CXCL13: variants seen among roughly 807,000 people sequenced by gnomAD.
CXCL13 encodes the protein C-X-C motif chemokine ligand 13, also known as C-X-C motif chemokine 13.
A neutral mutation model predicts 12.2 loss-of-function variants in CXCL13; 7 were observed. That is an observed-to-expected ratio of 0.57 (90% CI 0.33 to 1.07). CXCL13 has a LOEUF of 1.07. CXCL13 is among the 50% of genes least tolerant of loss of function. The pLI, the probability that CXCL13 is intolerant of heterozygous loss-of-function variation, is 0.04. For synonymous variants in CXCL13, 47 were observed against 42.4 expected (o/e 1.11, Z -0.42); for missense variants, 113 against 127.4 (o/e 0.89, Z 0.55).
intron 1 of CXCL13, among the ~76,000 whole-genome samples, chr4:77,520,379 C>A (rs1724560523): frequency 6.6e-6 from 1 of 152,134 alleles, no homozygotes; most frequent in African/African-American, 2.4e-5. Flanking sequence ...TTTGTGTCCT[C>A]TTTTATTTCC....
intron 1 of CXCL13, among the ~76,000 whole-genome samples, chr4:77,528,661 G>A (rs1365302063): frequency 2.6e-5 from 4 of 152,146 alleles, no homozygotes; most frequent in Non-Finnish European, 5.9e-5. Context: ...GGAGTTCATT[G>A]TAGATTCTGG....
At chr4:77,546,249 G>T (rs971750861) in intron 1 of CXCL13, among the ~76,000 whole-genome samples, 9 of 152,150 alleles carry the variant, frequency 5.9e-5, no homozygotes, top group African/African-American at 2.2e-4. Flanking sequence ...TTATCAGGAT[G>T]ATGCTGGCCT....
Position 77,527,141 on chromosome 4 carries a change from G to C in CXCL13, c.-43+15353G>C, listed in dbSNP as rs571326593. On this transcript the variant is annotated intron_variant, in intron 1 of 4. Coordinates refer to the CXCL13 transcript ENST00000286758. ...CAGATGGCAAATAATCACATGAAAAGATGCCCAACACCATTAATCATTCGG... is the reference window on the plus strand; with the variant it reads ...CAGATGGCAAATAATCACATGAAAACATGCCCAACACCATTAATCATTCGG... Among the ~76,000 whole-genome samples the C allele has an allele frequency of 2.0e-5, 3 of 152,260 alleles. No individual in the cohort carries two copies. The East Asian group carries it at 5.8e-4, about 29-fold the overall frequency.
chr4:77,529,581 G>T (rs1724853080), intron 1 of CXCL13, among the ~76,000 whole-genome samples: 1 of 152,154 alleles, frequency 6.6e-6, no homozygotes, highest in South Asian at 2.1e-4. Flanking sequence ...CTCTCTGTCT[G>T]TTATTGGTGT....
intron 1 of CXCL13, among the ~76,000 whole-genome samples, chr4:77,543,403 G>C (rs911973686): frequency 2.6e-5 from 4 of 151,746 alleles, no homozygotes; most frequent in South Asian, 2.1e-4. Flanking sequence ...CTAGCTTTGG[G>C]GTTAGCTCAT....
At chr4:77,517,383 A>G (rs1724451474) in intron 1 of CXCL13, among the ~76,000 whole-genome samples, 1 of 152,152 alleles carries the variant, frequency 6.6e-6, no homozygotes, top group Admixed American at 6.5e-5. Flanking sequence ...TGTCTCATTG[A>G]TCTGTCTAAT....
intron 1 of CXCL13, among the ~76,000 whole-genome samples, chr4:77,518,825 T>C (rs1223051024): frequency 1.3e-5 from 2 of 152,364 alleles, no homozygotes; most frequent in East Asian, 3.9e-4. Context: ...CTTTGTTCCA[T>C]TGCTGGTGAG....
chr4:77,552,563 C>T (rs563508542), intron 1 of CXCL13, among the ~76,000 whole-genome samples: 4 of 152,342 alleles, frequency 2.6e-5, no homozygotes, highest in African/African-American at 9.6e-5. Context: ...TGAGCTCCCT[C>T]CTTACCCCTG....
At chr4:77,530,166 G>C (rs1158586924) in intron 1 of CXCL13, among the ~76,000 whole-genome samples, 1 of 152,148 alleles carries the variant, frequency 6.6e-6, no homozygotes, top group African/African-American at 2.4e-5. Context: ...TGTGCTTCTG[G>C]ATTCAGTTTG....
chr4:77,526,014 T>C (rs573932763), intron 1 of CXCL13, among the ~76,000 whole-genome samples: 2 of 151,462 alleles, frequency 1.3e-5, no homozygotes, highest in Admixed American at 1.3e-4. Context: ...AAAGAAACAA[T>C]GAAAAAGCAT....
At chr4:77,573,269 A>C (rs1366301156) in intron 1 of CXCL13, among the ~76,000 whole-genome samples, 2 of 151,818 alleles carry the variant, frequency 1.3e-5, no homozygotes, top group African/African-American at 2.4e-5. Context: ...GAAATTTTCT[A>C]AGAGAAATAA....
At chr4:77,530,632 A>G (rs1191070666) in intron 1 of CXCL13, among the ~76,000 whole-genome samples, 1 of 151,954 alleles carries the variant, frequency 6.6e-6, no homozygotes, top group East Asian at 1.9e-4. Flanking sequence ...CCCCTTTAAC[A>G]TTTTTTATTG....
rs368765628 is a variant in CXCL13 at position 77,543,806 on chromosome 4, G to C, written c.-43+32018G>C. Among the ~76,000 whole-genome samples, 38 of 152,062 alleles carry C rather than the reference G, an allele frequency of 2.5e-4. No homozygotes were observed. In the East Asian group the frequency reaches 4.6e-3, roughly 19 times the overall value. On this transcript the variant is annotated intron_variant, in intron 1 of 4. Coordinates refer to the CXCL13 transcript ENST00000286758. ...GCACATGTGCACAATGTGCAGGTTT[G>C]TTACATATGTATACATGTGCCATGT...
At position 77,611,222 on chromosome 4, in the gene CXCL13, C is replaced by T. The variant is rs1313860258; in HGVS notation, c.*183C>T. On this transcript the variant is annotated 3_prime_UTR_variant, in exon 4 of 4. Transcript: ENST00000682537. ...ACTCAAGCTTCTTCACTCACAGCAC[C>T]CTATATACACTTGGAGTTTGCATTC... The T allele has an allele frequency of 1.9e-6, 1 of 521,394 alleles. No individual in the cohort carries two copies. Among genetic ancestry groups the T allele is most frequent in the Non-Finnish European group, 3.4e-6 (1 of 294,200 alleles). 32.3% of individuals were successfully genotyped at this position (521,394 alleles called of 1,614,324 possible).
intron 1 of CXCL13, among the ~76,000 whole-genome samples, chr4:77,592,291 G>A (rs534081172): frequency 6.0e-4 from 92 of 152,228 alleles, no homozygotes; most frequent in African/African-American, 2.2e-3. Flanking sequence ...GCAACAACAT[G>A]GATACACTTA....
intron 1 of CXCL13, among the ~76,000 whole-genome samples, chr4:77,572,451 G>T (rs186675751): frequency 1.3e-5 from 2 of 151,770 alleles, no homozygotes; most frequent in Non-Finnish European, 2.9e-5. Context: ...CTTTTCAAAA[G>T]AAGACATACA....
intron 1 of CXCL13, among the ~76,000 whole-genome samples, chr4:77,587,354 A>T (rs1430090676): frequency 6.6e-6 from 1 of 152,156 alleles, no homozygotes; most frequent in African/African-American, 2.4e-5. Context: ...CTGGTTATAT[A>T]CTATGTGCTG....
At chr4:77,524,556 G>C (rs191076638) in intron 1 of CXCL13, among the ~76,000 whole-genome samples, 4 of 152,202 alleles carry the variant, frequency 2.6e-5, no homozygotes, top group Non-Finnish European at 5.9e-5. Context: ...CTTGTCTGCC[G>C]GTGGCTAAGA....
chr4:77,558,703 G>A (rs1409155907), intron 1 of CXCL13, among the ~76,000 whole-genome samples: 1 of 152,142 alleles, frequency 6.6e-6, no homozygotes, highest in Non-Finnish European at 1.5e-5. Context: ...TTCAAGATAT[G>A]GGGGGCATCA....
Sources: gnomAD v4.1 joint callset for allele counts (sites outside exome capture counted in the v4.1 genomes callset) on GRCh38, gnomAD v4.1.1 for gene constraint, MANE v1.5 for transcripts, NCBI Gene and HGNC (gene_info 2026-07-23, HGNC 2026-07-21) for gene names.